Variants in DPP9 observed in about 807,000 individuals in gnomAD.
DPP9 encodes dipeptidyl peptidase 9.
DPP9 carries 50 observed loss-of-function variants against 110.7 expected under a neutral mutation model. The observed-to-expected ratio is 0.45, with a 90% confidence interval of 0.36 to 0.57. The LOEUF is 0.57. DPP9 is among the 20% of genes least tolerant of loss of function. The probability of loss-of-function intolerance (pLI) is 0.00; values close to 1 mark genes in which losing one functional copy is unlikely to be tolerated. For missense variants in DPP9, 1,022 were observed against 1,217.9 expected, an observed-to-expected ratio of 0.84 and a Z score of 2.39; for synonymous variants, 561 against 514.4, an observed-to-expected ratio of 1.09 and a Z score of -1.23.
intron 4 of DPP9, among the ~76,000 whole-genome samples, chr19:4,709,292 C>G (rs569446116): frequency 2.6e-5 from 4 of 151,920 alleles, no homozygotes; most frequent in Non-Finnish European, 5.9e-5. Context: ...AGGTTTCCCA[C>G]GCATGAGGAA....
rs372801442 is a variant in DPP9 at position 4,687,210 on chromosome 19, G to A, written c.1886-1439C>T. Among the ~76,000 whole-genome samples, 1 of 152,168 alleles carries A rather than the reference G, an allele frequency of 6.6e-6. No individual in the cohort carries two copies. Among genetic ancestry groups the A allele is most frequent in the South Asian group, 2.1e-4 (1 of 4,832 alleles). On this transcript the variant is annotated intron_variant, in intron 16 of 21. Coordinates refer to ENST00000262960, the MANE Select transcript of DPP9 (RefSeq NM_139159.5). This position sits in a 1 kb window ranked among gnomAD's most constrained non-coding sequence, Gnocchi z 4.7. ...GAGGCCTGGGATCTGTTTCTGCTCA[G>A]GGGTGAGGGCATCACAAAATGCTTT...
chr19:4,689,318 G>A lies in DPP9; in HGVS notation c.1749+252C>T, dbSNP rs968689129. Among the ~76,000 whole-genome samples, 6 of 152,224 alleles carry A rather than the reference G, an allele frequency of 3.9e-5. No individual in the cohort carries two copies. The highest frequency in any genetic ancestry group is 1.4e-4 in the African/African-American group (6 of 41,462). On this transcript the variant is annotated intron_variant, in intron 15 of 21. Transcript: ENST00000262960. The surrounding 1 kb of genome is among the most constrained non-coding windows in gnomAD (Gnocchi z 7.0). ...GGCCACATCCCACCGCACACAGAGC[G>A]GCGGAGCCCCAGCTCAGCGGACGGG...
chr19:4,715,265 C>T (rs1024460110), intron 3 of DPP9, among the ~76,000 whole-genome samples: 3 of 151,982 alleles, frequency 2.0e-5, no homozygotes, highest in African/African-American at 7.2e-5. Context: ...TCAAGTGATC[C>T]GCCTCCCTCA....
At position 4,702,710 on chromosome 19, in the gene DPP9, G is replaced by C. The variant is rs1341479705; in HGVS notation, c.776C>G (p.Ser259Cys). Residue 259 changes from serine to cysteine, a missense_variant, in exon 8 of 22, where the codon TCC (serine) becomes TGC (cysteine). By Grantham distance (112) the Ser-to-Cys change is moderately radical. Transcript: ENST00000262960. Reference protein sequence around the residue: ...RRLTFCHQGLSNVLDDPKSAG... With the variant: ...RRLTFCHQGLCNVLDDPKSAG... ...AGACTTGGGGTCATCCAGGACATTG[G>C]ATAAACCTAGGGGGAGGGACGGAGA... 5.0e-6 allele frequency: 8 copies of C among 1,587,526 alleles called. No homozygotes were observed. In the East Asian group the frequency reaches 1.8e-4, roughly 36 times the overall value.
chr19:4,701,217 C>A (rs1480923878), intron 9 of DPP9, among the ~76,000 whole-genome samples: 1 of 152,168 alleles, frequency 6.6e-6, no homozygotes, highest in African/African-American at 2.4e-5. Flanking sequence ...TCTGTAATCT[C>A]AGCATTTTGG....
In DPP9 at chr19:4,714,335, A is replaced by G. The variant is rs1424028132; in HGVS notation, c.59T>C (p.Phe20Ser). 3.3e-6 allele frequency: 5 copies of G among 1,495,486 alleles called. No individual in the cohort carries two copies. The highest frequency in any genetic ancestry group is 4.4e-6 in the Non-Finnish European group (5 of 1,123,782). The allele number at this position is 1,495,486 out of a possible 1,614,324, so 92.6% of individuals were successfully genotyped here. Residue 20 changes from phenylalanine (F) to serine (S), a missense_variant and splice_region_variant, in exon 4 of 22, where the codon TTC becomes TCC. By Grantham distance (155) the Phe-to-Ser change is radical. This residue lies in a region of DPP9 where 810 missense variants were observed against 920.6 expected (regional missense o/e 0.88). Transcript: ENST00000262960. Reference protein sequence around the residue: ...DKENTGSWRSFSLNSEGAERM... With the variant: ...DKENTGSWRSSSLNSEGAERM... Reference sequence around the variant, plus strand: ...CTCAGCCCCCTCGGAATTCAGCGAGAAGCTGCGGGGAGGAAGCAAAGACTA... The same window carrying G: ...CTCAGCCCCCTCGGAATTCAGCGAGGAGCTGCGGGGAGGAAGCAAAGACTA...
Position 4,676,553 on chromosome 19 carries a change from G to C in DPP9, c.*11C>G, listed in dbSNP as rs527525898. 6 of 1,582,826 alleles carry C rather than the reference G, an allele frequency of 3.8e-6. No individual in the cohort carries two copies. The highest frequency in any genetic ancestry group is 1.4e-5 in the African/African-American group (1 of 74,014). The stretch of plus-strand genomic sequence containing the variant: ...CTTGTGCTGTGATGTGGCGGCTCCC[G>C]GTGGGCAGGCTCAGAGGTATTCCTG... On this transcript the variant is annotated 3_prime_UTR_variant, in exon 22 of 22. Transcript: ENST00000262960. The surrounding 1 kb of genome is among the most constrained non-coding windows in gnomAD (Gnocchi z 4.0).
intron 14 of DPP9, among the ~76,000 whole-genome samples, chr19:4,690,253 G>A (rs557399029): frequency 6.6e-6 from 1 of 152,346 alleles, no homozygotes; most frequent in South Asian, 2.1e-4. Flanking sequence ...CCTGTGCTGG[G>A]ATGCTAATGG....
At chr19:4,688,576 C>T (rs748808547) in intron 16 of DPP9, 181 bp downstream of exon 16, 30 of 776,014 alleles carry the variant, frequency 3.9e-5, no homozygotes, top group East Asian at 3.7e-4. Flanking sequence ...CCGTCTCGGA[C>T]GGCAGGGGCT....
Position 4,718,247 on chromosome 19 carries a change from G to C in DPP9, c.56+1604C>G, listed in dbSNP as rs955834510. ...CCAAAGCTCTGTGATGTCTGTGTCT[G>C]AGCTGGTGCTTTGGTGGCGAGCGGG... On this transcript the variant is annotated intron_variant, in intron 3 of 21. Coordinates refer to ENST00000262960, the MANE Select transcript of DPP9 (RefSeq NM_139159.5). The surrounding 1 kb of genome is among the most constrained non-coding windows in gnomAD (Gnocchi z 4.3). Among the ~76,000 whole-genome samples the C allele has an allele frequency of 1.1e-4, 17 of 152,328 alleles. No individual in the cohort carries two copies. Among genetic ancestry groups the C allele is most frequent in the Admixed American group, 1.1e-3 (17 of 15,302 alleles).
intron 16 of DPP9, among the ~76,000 whole-genome samples, chr19:4,686,708 T>C (rs1009987263): frequency 6.6e-6 from 1 of 152,012 alleles, no homozygotes; most frequent in Non-Finnish European, 1.5e-5. Flanking sequence ...TGGCCCAAAG[T>C]TTTTTCTTTA....
At chr19:4,696,748 A>C (rs80199658) in intron 11 of DPP9, among the ~76,000 whole-genome samples, 2 of 148,286 alleles carry the variant, frequency 1.3e-5, no homozygotes, top group African/African-American at 2.5e-5. Flanking sequence ...ACTCCGTCTC[A>C]AAAAAAAAAA....
At position 4,718,664 on chromosome 19, in the gene DPP9, G is replaced by A. The variant is rs1368262355; in HGVS notation, c.56+1187C>T. 6.6e-6 allele frequency among the ~76,000 whole-genome samples: 1 copy of A among 152,224 alleles called. No homozygotes were observed. Among genetic ancestry groups the A allele is most frequent in the African/African-American group, 2.4e-5 (1 of 41,462 alleles). ...TGTGCCCAGGTGGGACATTAAGTGT[G>A]TGCAGATAAGGGAAGGGACACAGAT... On this transcript the variant is annotated intron_variant, in intron 3 of 21. Coordinates refer to ENST00000262960, the MANE Select transcript of DPP9 (RefSeq NM_139159.5). The surrounding 1 kb of genome is among the most constrained non-coding windows in gnomAD (Gnocchi z 4.3).
chr19:4,675,453 T>A lies in DPP9; in HGVS notation c.*1111A>T, dbSNP rs1390557073. The A allele has an allele frequency of 6.6e-6, 1 of 151,218 alleles. No individual in the cohort carries two copies. Among genetic ancestry groups the A allele is most frequent in the East Asian group, 2.0e-4 (1 of 5,114 alleles). The allele number at this position is 151,218 out of a possible 1,614,324, so 9.4% of individuals were successfully genotyped here. A position where few individuals can be genotyped will look rare whatever the true frequency, so the allele number is the denominator to read the frequency against. On this transcript the variant is annotated 3_prime_UTR_variant, in exon 22 of 22. Coordinates refer to ENST00000262960, the MANE Select transcript of DPP9 (RefSeq NM_139159.5). ...AACCCTGAGGTGGGGATGGTTCAGC[T>A]CCCAACCCCGGAACCCCTGGTGTGT...
Position 4,679,521 on chromosome 19 carries a change from C to A in DPP9, c.2586+314G>T, listed in dbSNP as rs73539514. The stretch of plus-strand genomic sequence containing the variant: ...CAATTTCTCAGTTTCAAATAAAGCC[C>A]GTCTGCGGGGCAATTTCGGTAAGGG... On this transcript the variant is annotated intron_variant, in intron 21 of 21. Transcript: ENST00000262960. The A allele has an allele frequency of 1.9e-3, 716 of 376,858 alleles. 7 individuals are homozygous for A. The highest frequency in any genetic ancestry group is 0.014 in the African/African-American group (662 of 48,568). 23.3% of individuals were successfully genotyped at this position (376,858 alleles called of 1,614,324 possible).
chr19:4,683,797 T>C, intron 18 of DPP9, 168 bp from the exon 19 acceptor site: 6 of 1,543,290 alleles, frequency 3.9e-6, no homozygotes, highest in Non-Finnish European at 5.2e-6. Flanking sequence ...TATCTGGGGA[T>C]GGCTGGACAG....
At chr19:4,713,624 C>A (rs1044145238) in intron 4 of DPP9, among the ~76,000 whole-genome samples, 1 of 152,218 alleles carries the variant, frequency 6.6e-6, no homozygotes, top group Non-Finnish European at 1.5e-5. Flanking sequence ...TCCTTCTTGA[C>A]GCACCTCCAC....
rs1198841326 is a variant in DPP9, at chr19:4,685,340, C to T, written c.2031+286G>A. 8 of 606,000 alleles carry T rather than the reference C, an allele frequency of 1.3e-5. No homozygotes were observed. Among genetic ancestry groups the T allele is most frequent in the South Asian group, 1.1e-4 (7 of 65,956 alleles). The allele number at this position is 606,000 out of a possible 1,614,324, so 37.5% of individuals were successfully genotyped here. Reference sequence around the variant, plus strand: ...GGCCCATGGCCACCTCCATACCAACCTGGAGACTAGGGGACTTCCTAGAGG... The same window carrying T: ...GGCCCATGGCCACCTCCATACCAACTTGGAGACTAGGGGACTTCCTAGAGG... On this transcript the variant is annotated intron_variant, in intron 17 of 21. Transcript: ENST00000262960. This position sits in a 1 kb window ranked among gnomAD's most constrained non-coding sequence, Gnocchi z 5.8.
Position 4,687,164 on chromosome 19 carries a change from G to A in DPP9, c.1886-1393C>T, listed in dbSNP as rs2090832086. ...TGGCGGTGTCGGTGCGGACAGGAGA[G>A]TGAGGACTGGGCTCTAGAGGGAGGC... On this transcript the variant is annotated intron_variant, in intron 16 of 21. Transcript: ENST00000262960. The surrounding 1 kb of genome is among the most constrained non-coding windows in gnomAD (Gnocchi z 4.7). 6.6e-6 allele frequency among the ~76,000 whole-genome samples: 1 copy of A among 152,192 alleles called. No homozygotes were observed. Among genetic ancestry groups the A allele is most frequent in the South Asian group, 2.1e-4 (1 of 4,830 alleles).
Sources: allele counts gnomAD v4.1 joint callset (sites outside exome capture counted in the v4.1 genomes callset), GRCh38; gene constraint gnomAD v4.1.1; regional missense constraint gnomAD v4.1.1; non-coding constraint Gnocchi (gnomAD v3.1); transcripts MANE v1.5; gene names NCBI Gene and HGNC (gene_info 2026-07-23, HGNC 2026-07-21).